The following SFXN5 variants were observed in gnomAD, a reference collection of about 807,000 sequenced individuals.
SFXN5 encodes the protein sideroflexin-5.
In SFXN5, 43 loss-of-function variants were observed where a neutral mutation model predicts 50.2. The ratio of observed to expected loss-of-function variants is 0.86; its 90% confidence interval spans 0.67 to 1.11. The LOEUF (loss-of-function observed/expected upper bound fraction) is 1.11. SFXN5 is among the 50% of genes least tolerant of loss of function. The pLI is 0.00. For missense variants in SFXN5, 463 were observed against 454.1 expected, an observed-to-expected ratio of 1.02 and a Z score of -0.18; for synonymous variants, 203 against 185.8, an observed-to-expected ratio of 1.09 and a Z score of -0.75.
At chr2:72,954,154 G>C (rs1387201054) in intron 13 of SFXN5, among the ~76,000 whole-genome samples, 1 of 152,154 alleles carries the variant, frequency 6.6e-6, no homozygotes, top group Non-Finnish European at 1.5e-5. Context: ...TCGGGGGAAG[G>C]CTTTAGACTT....
At chr2:73,067,505 T>A (rs151275965) in intron 1 of SFXN5, among the ~76,000 whole-genome samples, 81 of 152,282 alleles carry the variant, frequency 5.3e-4, no homozygotes, top group African/African-American at 1.9e-3. Flanking sequence ...CAGAGGACAA[T>A]GGGTGAGGGC....
chr2:73,058,544 G>A lies in SFXN5; in HGVS notation c.155C>T (p.Thr52Ile). The change falls in exon 2 of 14, where the codon ACA (threonine) becomes ATA (isoleucine). Residue 52 changes from threonine (T) to isoleucine (I), a missense_variant. Physicochemically the swap from Thr to Ile is moderately conservative, Grantham distance 89. Transcript: ENST00000272433. Reference sequence around the variant, plus strand: ...ATGACTTACCTCAGTGACAAAGAGTGTGCGAGGGTCGATGATATCCAAGAA... The same window carrying A: ...ATGACTTACCTCAGTGACAAAGAGTATGCGAGGGTCGATGATATCCAAGAA... ...RHFLDIIDPR[T>I]LFVTERRLRE... 1 of 1,614,182 alleles carries A rather than the reference G, an allele frequency of 6.2e-7. No individual in the cohort carries two copies. Among genetic ancestry groups the A allele is most frequent in the South Asian group, 1.1e-5 (1 of 91,092 alleles).
chr2:73,053,093 C>T (rs1681600659), intron 2 of SFXN5, among the ~76,000 whole-genome samples: 1 of 151,918 alleles, frequency 6.6e-6, no homozygotes, highest in South Asian at 2.1e-4. Flanking sequence ...ACGAGAATTG[C>T]TTGAGCCCAG....
chr2:73,034,185 TC>T (rs985563955), intron 3 of SFXN5, among the ~76,000 whole-genome samples: 1 of 152,124 alleles, frequency 6.6e-6, no homozygotes, highest in Non-Finnish European at 1.5e-5. Flanking sequence ...TACAAATGAC[TC>T]ACCTCCTACT....
chr2:72,967,673 T>C (rs1674592266), intron 12 of SFXN5, among the ~76,000 whole-genome samples: 1 of 152,056 alleles, frequency 6.6e-6, no homozygotes, highest in Non-Finnish European at 1.5e-5. Flanking sequence ...TGTCTTGAGG[T>C]GTCCCCATAG....
Position 72,961,055 on chromosome 2 carries a change from C to A in SFXN5, c.945+76G>T, listed in dbSNP as rs1047811736. On this transcript the variant is annotated intron_variant, in intron 13 of 13. Coordinates refer to ENST00000272433, the MANE Select transcript of SFXN5 (RefSeq NM_144579.3). The surrounding 1 kb of genome is among the most constrained non-coding windows in gnomAD (Gnocchi z 4.4). ...CTAGCATGGCGCTAAGGAGTCGGCA[C>A]GGTATGAGTATTTGTTCAGAAATCA... 2 of 1,077,618 alleles carry A rather than the reference C, an allele frequency of 1.9e-6. No homozygotes were observed. Among genetic ancestry groups the A allele is most frequent in the South Asian group, 1.8e-5 (1 of 56,784 alleles). The allele number at this position is 1,077,618 out of a possible 1,614,324, so 66.8% of individuals were successfully genotyped here.
At chr2:73,010,776 C>T (rs1675404572) in intron 6 of SFXN5, among the ~76,000 whole-genome samples, 1 of 152,150 alleles carries the variant, frequency 6.6e-6, no homozygotes, top group African/African-American at 2.4e-5. Context: ...AAAATGTGTT[C>T]TTCTAATTGA....
intron 3 of SFXN5, among the ~76,000 whole-genome samples, chr2:73,033,752 T>G (rs1414797612): frequency 2.6e-5 from 4 of 152,190 alleles, no homozygotes; most frequent in Non-Finnish European, 4.4e-5. Flanking sequence ...TGGCTTTTAC[T>G]CTAAGTGCAA....
intron 8 of SFXN5, 119 bp from the exon 9 acceptor site, chr2:72,999,133 A>AG: frequency 9.9e-7 from 1 of 1,012,426 alleles, no homozygotes; most frequent in South Asian, 1.4e-5. Context: ...AGTGGGTAGA[A>AG]GGAAGAGGCC....
intron 11 of SFXN5, 129 bp downstream of exon 11, chr2:72,971,441 G>A (rs2105456318): frequency 1.6e-6 from 1 of 621,388 alleles, no homozygotes; most frequent in Middle Eastern, 4.3e-4. Context: ...GGGGTGGGGT[G>A]AGGAGGAGAC....
At chr2:72,971,293 A>G (rs1675138012) in intron 11 of SFXN5, among the ~76,000 whole-genome samples, 1 of 151,416 alleles carries the variant, frequency 6.6e-6, no homozygotes, top group Non-Finnish European at 1.5e-5. Flanking sequence ...ACCAATTAAC[A>G]CCTCCTCTGG....
chr2:72,945,194 C>G lies in SFXN5; in HGVS notation c.946-95G>C. The stretch of plus-strand genomic sequence containing the variant: ...GTGAGGACCACCCTGGGCCCCAGAG[C>G]TCTGCCCCCTGCACCCCCGTGTCCA... On this transcript the variant is annotated intron_variant, in intron 13 of 13. Transcript: ENST00000272433. The surrounding 1 kb of genome is among the most constrained non-coding windows in gnomAD (Gnocchi z 5.8). 1 of 1,191,878 alleles carries G rather than the reference C, an allele frequency of 8.4e-7. No homozygotes were observed. Among genetic ancestry groups the G allele is most frequent in the Non-Finnish European group, 1.2e-6 (1 of 821,904 alleles). The allele number at this position is 1,191,878 out of a possible 1,614,324, so 73.8% of individuals were successfully genotyped here. A position where few individuals can be genotyped will look rare whatever the true frequency, so the allele number is the denominator to read the frequency against.
rs1307893247 is a variant in SFXN5, at chr2:73,020,097, TATC to T, written c.357+139_357+141del. On this transcript the variant is annotated intron_variant, in intron 6 of 13. Transcript: ENST00000272433. Reference sequence around the variant, plus strand: ...ATCAAGAGATGTGGTAAGAAATACATATCATTTTATTTGGTAATTTCCCTCCAG... The same window carrying T: ...ATCAAGAGATGTGGTAAGAAATACATATTTTATTTGGTAATTTCCCTCCAG... The T allele has an allele frequency of 2.7e-5, 20 of 732,146 alleles. No individual in the cohort carries two copies. In the East Asian group the frequency reaches 5.4e-4, roughly 20 times the overall value. 45.4% of individuals were successfully genotyped at this position (732,146 alleles called of 1,614,324 possible).
Position 72,998,938 on chromosome 2 carries a change from G to T in SFXN5, c.534+11C>A, listed in dbSNP as rs766920915. On this transcript the variant is annotated intron_variant, in intron 9 of 13. Transcript: ENST00000272433. ...GCAGAGCCAAGAAGGAGCAGGGGAG[G>T]GAGTACTCACAGCAATGGAGACGGC... 1 of 1,613,728 alleles carries T rather than the reference G, an allele frequency of 6.2e-7. No homozygotes were observed. Among genetic ancestry groups the T allele is most frequent in the Non-Finnish European group, 8.5e-7 (1 of 1,179,788 alleles).
chr2:73,030,796 G>A (rs955363922), intron 3 of SFXN5, among the ~76,000 whole-genome samples: 1 of 152,088 alleles, frequency 6.6e-6, no homozygotes, highest in Non-Finnish European at 1.5e-5. Flanking sequence ...ATGTTCTGGT[G>A]AATTTCACTG....
At position 72,961,997 on chromosome 2, in the gene SFXN5, G is replaced by A. The variant is rs78972410; in HGVS notation, c.828-749C>T. On this transcript the variant is annotated intron_variant, in intron 12 of 13. Coordinates refer to ENST00000272433, the MANE Select transcript of SFXN5 (RefSeq NM_144579.3). The surrounding 1 kb of genome is among the most constrained non-coding windows in gnomAD (Gnocchi z 4.4). ...CTTCGGAGCTGGTTTCCTGGGCAGG[G>A]GAGGGGGCATGATAAACCTCCCTTT... 6.7e-3 allele frequency among the ~76,000 whole-genome samples: 1,020 copies of A among 152,328 alleles called. 8 individuals are homozygous for A. Among genetic ancestry groups the A allele is most frequent in the African/African-American group, 0.023 (974 of 41,572 alleles).
chr2:72,959,181 C>G (rs1040599178), intron 13 of SFXN5, among the ~76,000 whole-genome samples: 1 of 152,200 alleles, frequency 6.6e-6, no homozygotes, highest in Middle Eastern at 3.2e-3. Flanking sequence ...CCACAGCCCT[C>G]GCCTTCTTGT....
chr2:73,001,209 G>C (rs1673866117), intron 7 of SFXN5, among the ~76,000 whole-genome samples: 1 of 152,240 alleles, frequency 6.6e-6, no homozygotes, highest in African/African-American at 2.4e-5. Flanking sequence ...CTTGGGATGA[G>C]CAGCCAAGGG....
intron 1 of SFXN5, among the ~76,000 whole-genome samples, chr2:73,066,517 C>T (rs1683187900): frequency 6.6e-6 from 1 of 151,016 alleles, no homozygotes; most frequent in African/African-American, 2.4e-5. Context: ...GACATCATGC[C>T]ACTGCACTCC....
Sources: allele counts gnomAD v4.1 joint callset (sites outside exome capture counted in the v4.1 genomes callset), GRCh38; gene constraint gnomAD v4.1.1; non-coding constraint Gnocchi (gnomAD v3.1); transcripts MANE v1.5; gene names NCBI Gene and HGNC (gene_info 2026-07-23, HGNC 2026-07-21).